SPOCK3: variants seen among roughly 807,000 people sequenced by gnomAD.
SPOCK3 encodes testican-3.
In SPOCK3, 30 loss-of-function variants were observed where a neutral mutation model predicts 56.6. The ratio of observed to expected loss-of-function variants is 0.53; its 90% CI spans 0.40 to 0.72. The LOEUF is 0.72. Among genes scored for constraint, SPOCK3 ranks in the 30% least tolerant of loss-of-function variants. The pLI is 0.00. For synonymous variants in SPOCK3, 196 were observed against 183.3 expected (o/e 1.07, Z -0.56); for missense variants, 527 against 530.0 (o/e 0.99, Z 0.06).
chr4:166,812,130 A>G lies in SPOCK3; in HGVS notation c.590-19841T>C, dbSNP rs1477574917. 4.6e-5 allele frequency among the ~76,000 whole-genome samples: 7 copies of G among 151,966 alleles called. 1 individual carries two copies. In the East Asian group the frequency reaches 9.7e-4, roughly 21 times the overall value. On this transcript the variant is annotated intron_variant, in intron 6 of 10. Coordinates refer to ENST00000357545, the MANE Select transcript of SPOCK3 (RefSeq NM_001040159.2). ...CCTGTATTAATCATTTTTCTATGCA[A>G]TATCTTTGATTTAACAAATTCATTG...
chr4:166,887,875 A>AAG (rs11405579), intron 6 of SPOCK3, among the ~76,000 whole-genome samples: 4 of 150,858 alleles, frequency 2.7e-5, no homozygotes, highest in Non-Finnish European at 3.0e-5. Flanking sequence ...AAAAAAAAAA[A>AAG]GAAGAGAGCT....
intron 4 of SPOCK3, among the ~76,000 whole-genome samples, chr4:166,997,850 T>C (rs1018554368): frequency 6.6e-6 from 1 of 152,142 alleles, no homozygotes; most frequent in African/African-American, 2.4e-5. Flanking sequence ...TTTTATGAGA[T>C]CTAGGGAAGA....
chr4:166,881,526 C>G (rs1366998718), intron 6 of SPOCK3, among the ~76,000 whole-genome samples: 2 of 151,950 alleles, frequency 1.3e-5, no homozygotes, highest in Non-Finnish European at 2.9e-5. Flanking sequence ...TTTATTTTCG[C>G]TCCACAAAAC....
intron 6 of SPOCK3, among the ~76,000 whole-genome samples, chr4:166,863,480 A>T (rs933777526): frequency 1.3e-5 from 2 of 152,188 alleles, no homozygotes; most frequent in Non-Finnish European, 2.9e-5. Context: ...CAATTAAAAG[A>T]TAGAGACTGG....
intron 2 of SPOCK3, among the ~76,000 whole-genome samples, chr4:167,182,712 A>T (rs943588001): frequency 2.0e-5 from 3 of 151,860 alleles, no homozygotes; most frequent in African/African-American, 7.3e-5. Context: ...CAATTTTTGT[A>T]TTTTTAGTGG....
At chr4:166,957,868 G>T (rs187711102) in intron 4 of SPOCK3, among the ~76,000 whole-genome samples, 153 of 152,230 alleles carry the variant, frequency 1.0e-3, no homozygotes, top group African/African-American at 3.3e-3. Context: ...TATTTTACAG[G>T]CTCATAGGTG....
intron 7 of SPOCK3, among the ~76,000 whole-genome samples, chr4:166,776,227 A>T (rs1234157740): frequency 6.6e-6 from 1 of 152,146 alleles, no homozygotes; most frequent in Non-Finnish European, 1.5e-5. Context: ...ATCCTGGCCA[A>T]CATGATGAAA....
chr4:166,922,382 C>T (rs1053719467), intron 4 of SPOCK3, among the ~76,000 whole-genome samples: 2 of 152,102 alleles, frequency 1.3e-5, no homozygotes, highest in Admixed American at 6.5e-5. Context: ...CAATATAGAG[C>T]CTATCTCATG....
chr4:167,156,722 C>T (rs578129486), intron 2 of SPOCK3, among the ~76,000 whole-genome samples: 109 of 152,182 alleles, frequency 7.2e-4, no homozygotes, highest in African/African-American at 2.5e-3. Flanking sequence ...AAAATGAGCC[C>T]TAAAGCATGA....
intron 2 of SPOCK3, among the ~76,000 whole-genome samples, chr4:167,149,489 C>T (rs1764229905): frequency 6.6e-6 from 1 of 151,990 alleles, no homozygotes; most frequent in African/African-American, 2.4e-5. Flanking sequence ...AACTGATATA[C>T]CCTGGGCTAC....
chr4:166,774,780 T>C (rs1468294740), intron 7 of SPOCK3, among the ~76,000 whole-genome samples: 1 of 152,136 alleles, frequency 6.6e-6, no homozygotes, highest in Non-Finnish European at 1.5e-5. Flanking sequence ...CAATTTGAAG[T>C]GTAAGCACCC....
intron 4 of SPOCK3, among the ~76,000 whole-genome samples, chr4:166,920,798 A>T (rs934421832): frequency 6.6e-5 from 10 of 152,190 alleles, no homozygotes; most frequent in African/African-American, 2.2e-4. Flanking sequence ...AAATGTCTTG[A>T]TTGTGAAAAA....
chr4:166,843,777 A>G (rs1489863017), intron 6 of SPOCK3, among the ~76,000 whole-genome samples: 2 of 152,200 alleles, frequency 1.3e-5, no homozygotes, highest in African/African-American at 2.4e-5. Context: ...AGAAAATAAT[A>G]CATGTCTCTC....
chr4:167,010,530 A>AAG (rs1289718775), intron 3 of SPOCK3, among the ~76,000 whole-genome samples: 7 of 151,644 alleles, frequency 4.6e-5, no homozygotes, highest in African/African-American at 1.7e-4. Flanking sequence ...AAAAAAAAAA[A>AAG]AAAAAAAAAT....
intron 2 of SPOCK3, among the ~76,000 whole-genome samples, chr4:167,114,510 T>C (rs1375070407): frequency 6.6e-6 from 1 of 152,074 alleles, no homozygotes; most frequent in Non-Finnish European, 1.5e-5. Context: ...GTGTCTCCTC[T>C]AATTCTCACA....
At chr4:167,144,751 A>C (rs1176114767) in intron 2 of SPOCK3, among the ~76,000 whole-genome samples, 1 of 138,372 alleles carries the variant, frequency 7.2e-6, no homozygotes, top group Non-Finnish European at 1.6e-5. Flanking sequence ...AGGGAAAAGG[A>C]AACACAAGTG....
intron 7 of SPOCK3, among the ~76,000 whole-genome samples, chr4:166,780,735 C>T (rs188042024): frequency 6.6e-6 from 1 of 152,242 alleles, no homozygotes; most frequent in East Asian, 1.9e-4. Flanking sequence ...GATTCAGATA[C>T]ATAGTACCTT....
intron 6 of SPOCK3, among the ~76,000 whole-genome samples, chr4:166,808,344 C>T (rs567626443): frequency 6.6e-6 from 1 of 152,130 alleles, no homozygotes; most frequent in African/African-American, 2.4e-5. Context: ...GCCAATGTGA[C>T]TGTATCTGCA....
intron 6 of SPOCK3, among the ~76,000 whole-genome samples, chr4:166,844,999 T>C (rs962608773): frequency 3.9e-5 from 6 of 152,260 alleles, no homozygotes; most frequent in African/African-American, 1.4e-4. Context: ...ATGCATGTGC[T>C]GTTATCAAAG....
Sources: gnomAD v4.1 joint callset for allele counts (sites outside exome capture counted in the v4.1 genomes callset) on GRCh38, gnomAD v4.1.1 for gene constraint, MANE v1.5 for transcripts, NCBI Gene and HGNC (gene_info 2026-07-23, HGNC 2026-07-21) for gene names.